NLRP11: variants seen among roughly 807,000 people sequenced by gnomAD.
NLRP11 encodes NACHT, LRR and PYD domains-containing protein 11.
NLRP11 carries 53 observed loss-of-function variants against 79.3 expected under a neutral mutation model. The ratio of observed to expected loss-of-function variants is 0.67; its 90% CI spans 0.54 to 0.84. NLRP11 has a LOEUF of 0.84. NLRP11 is among the 40% of genes least tolerant of loss of function. The pLI is 0.00. For synonymous variants in NLRP11, 518 were observed against 462.6 expected (o/e 1.12, Z -1.54); for missense variants, 1,264 against 1,255.0 (o/e 1.01, Z -0.11).
intron 5 of NLRP11, chr19:55,798,272 C>T (rs1198838882): frequency 1.0e-6 from 1 of 969,912 alleles, no homozygotes; most frequent in Non-Finnish European, 1.2e-6. Context: ...TGTTGGGATT[C>T]CAGGCGTGAG....
intron 2 of NLRP11, among the ~76,000 whole-genome samples, chr19:55,814,508 A>G (rs892370196): frequency 1.3e-5 from 2 of 152,130 alleles, no homozygotes; most frequent in Non-Finnish European, 2.9e-5. Context: ...CAAGCTATAC[A>G]TTTTGGACAC....
chr19:55,821,945 G>C (rs1043925643), intron 1 of NLRP11, among the ~76,000 whole-genome samples: 5 of 152,144 alleles, frequency 3.3e-5, no homozygotes, highest in South Asian at 2.1e-4. Flanking sequence ...AGTTCTTTTC[G>C]TGCTCATATG....
chr19:55,816,668 G>A (rs966782930), intron 2 of NLRP11, among the ~76,000 whole-genome samples: 11 of 152,162 alleles, frequency 7.2e-5, no homozygotes, highest in East Asian at 1.9e-4. Flanking sequence ...GAGCGTACCC[G>A]GTTGTTAACC....
chr19:55,793,268 G>A (rs965056580), intron 6 of NLRP11, among the ~76,000 whole-genome samples: 2 of 151,998 alleles, frequency 1.3e-5, no homozygotes, highest in African/African-American at 2.4e-5. Context: ...ACAGGGAAGG[G>A]GTTAAAAAGT....
chr19:55,789,200 G>A, intron 8 of NLRP11, 29 bp downstream of exon 8: 1 of 1,587,378 alleles, frequency 6.3e-7, no homozygotes, highest in Non-Finnish European at 8.6e-7. Flanking sequence ...CTAGCTAAAG[G>A]CAGGGATCTT....
intron 5 of NLRP11, among the ~76,000 whole-genome samples, chr19:55,796,763 T>C (rs113933699): frequency 5.6e-4 from 85 of 151,986 alleles, no homozygotes; most frequent in African/African-American, 1.8e-3. Context: ...CTCGGCTCAC[T>C]GCAACCTCTG....
At position 55,792,310 on chromosome 19, in the gene NLRP11, TCTAA is replaced by T; in HGVS notation, c.2500_2503del (p.Leu834ArgfsTer20). 10 of 1,613,984 alleles carry T rather than the reference TCTAA, an allele frequency of 6.2e-6. No individual in the cohort carries two copies. Among genetic ancestry groups the T allele is most frequent in the Non-Finnish European group, 8.5e-6 (10 of 1,179,878 alleles). On this transcript the variant is annotated frameshift_variant, in exon 7 of 10. Coordinates refer to ENST00000589093, the Ensembl canonical transcript of NLRP11. LOFTEE classifies it high-confidence loss of function. ...ACTGTGGGAGACTTACTGAAGCTCC[TCTAA>T]CTGACAGGTTGGAAACAGCAAGGGA...
intron 1 of NLRP11, among the ~76,000 whole-genome samples, chr19:55,831,494 A>T (rs894445363): frequency 1.3e-4 from 20 of 152,138 alleles, no homozygotes; most frequent in Admixed American, 1.1e-3. Flanking sequence ...CCCAGGAGAC[A>T]GAGGTTGCAG....
intron 6 of NLRP11, among the ~76,000 whole-genome samples, chr19:55,794,802 A>C (rs61063266): frequency 6.6e-6 from 1 of 151,990 alleles, no homozygotes; most frequent in African/African-American, 2.4e-5. Context: ...GCGATATTAC[A>C]TAATATGAAC....
chr19:55,817,676 G>T (rs1981268308), intron 2 of NLRP11, among the ~76,000 whole-genome samples: 1 of 152,136 alleles, frequency 6.6e-6, no homozygotes, highest in South Asian at 2.1e-4. Context: ...GGCGGGAAGT[G>T]TGAGAGGGAG....
chr19:55,808,230 G>A (rs551763858), intron 3 of NLRP11, among the ~76,000 whole-genome samples: 4 of 152,194 alleles, frequency 2.6e-5, no homozygotes, highest in Non-Finnish European at 5.9e-5. Context: ...ACATCTGAGT[G>A]CAGGGCCTTT....
intron 1 of NLRP11, among the ~76,000 whole-genome samples, chr19:55,831,283 C>T (rs556578288): frequency 5.3e-5 from 8 of 151,644 alleles, no homozygotes; most frequent in South Asian, 4.2e-4. Context: ...AGCTCAGGAC[C>T]GGGTGCAGGA....
chr19:55,810,766 G>A (rs1365417037), intron 2 of NLRP11, among the ~76,000 whole-genome samples: 1 of 152,202 alleles, frequency 6.6e-6, no homozygotes, highest in African/African-American at 2.4e-5. Flanking sequence ...CCAATGTGCT[G>A]GGATTACAGG....
chr19:55,827,944 C>A (rs910101355), intron 1 of NLRP11, among the ~76,000 whole-genome samples: 1 of 151,916 alleles, frequency 6.6e-6, no homozygotes, highest in South Asian at 2.1e-4. Flanking sequence ...ATAAATCATG[C>A]TGCTATAAAG....
At chr19:55,819,126 T>TACACACACACACAC (rs59055964) in intron 1 of NLRP11, among the ~76,000 whole-genome samples, 10 of 105,174 alleles carry the variant, frequency 9.5e-5, no homozygotes, top group African/African-American at 1.9e-4. Flanking sequence ...TGGTATCGCC[T>TACACACACACACAC]ACACACACAC....
chr19:55,788,655 G>A (rs977846847), intron 9 of NLRP11, 152 bp downstream of exon 9: 15 of 574,092 alleles, frequency 2.6e-5, no homozygotes, highest in East Asian at 1.5e-4. Flanking sequence ...AAGGAGAATC[G>A]CTTGAAGCTG....
intron 4 of NLRP11, among the ~76,000 whole-genome samples, chr19:55,807,120 CT>C (rs1980074163): frequency 6.6e-6 from 1 of 152,052 alleles, no homozygotes; most frequent in South Asian, 2.1e-4. Context: ...GGAAATTTGT[CT>C]TTTTTCCCCC....
chr19:55,823,347 G>A lies in NLRP11; in HGVS notation c.-62-5111C>T, dbSNP rs1232405028. The stretch of plus-strand genomic sequence containing the variant: ...ACAGAAAAACTGGAAACTCTAAAAC[G>A]CAGAGTGTCTCTCCTCCTCCAAAGG... On this transcript the variant is annotated intron_variant, in intron 1 of 9. Coordinates refer to ENST00000589093, the Ensembl canonical transcript of NLRP11. 1.9e-4 allele frequency among the ~76,000 whole-genome samples: 25 copies of A among 134,446 alleles called. 2 individuals carry two copies. The highest frequency in any genetic ancestry group is 7.7e-5 in the Non-Finnish European group (5 of 64,536). 88.2% of individuals were successfully genotyped at this position (134,446 alleles called of 152,430 possible).
chr19:55,819,025 T>C (rs1170470212), intron 1 of NLRP11, among the ~76,000 whole-genome samples: 1 of 151,844 alleles, frequency 6.6e-6, no homozygotes, highest in Admixed American at 6.6e-5. Context: ...CTGCCAGCAA[T>C]AGGTAAGTCC....
Sources: gnomAD v4.1 joint callset for allele counts (sites outside exome capture counted in the v4.1 genomes callset) on GRCh38, gnomAD v4.1.1 for gene constraint, MANE v1.5 for transcripts, NCBI Gene and HGNC (gene_info 2026-07-23, HGNC 2026-07-21) for gene names.